MELK: variants seen among roughly 807,000 people sequenced by gnomAD.
The protein encoded by MELK is maternal embryonic leucine zipper kinase.
In MELK, 81 loss-of-function variants were observed where a neutral mutation model predicts 85.0. The observed-to-expected ratio is 0.95, with a 90% CI of 0.80 to 1.15. The LOEUF is 1.15. MELK is among the 50% of genes most tolerant of loss of function. MELK has a pLI of 0.00. For synonymous variants in MELK, 252 were observed against 265.0 expected (o/e 0.95, Z 0.48); for missense variants, 754 against 777.5 (o/e 0.97, Z 0.36).
At chr9:36,633,285 A>T in intron 10 of MELK, 85 bp downstream of exon 10, 1 of 894,470 alleles carries the variant, frequency 1.1e-6, no homozygotes. Flanking sequence ...ATGTGGTCTA[A>T]ATATACAAGA....
At chr9:36,662,495 C>A (rs892623802) in intron 13 of MELK, among the ~76,000 whole-genome samples, 1 of 151,990 alleles carries the variant, frequency 6.6e-6, no homozygotes, top group African/African-American at 2.4e-5. Context: ...CCACCTGCCT[C>A]GGCCTCCCAA....
At chr9:36,663,139 G>T (rs561326342) in intron 13 of MELK, among the ~76,000 whole-genome samples, 1 of 150,756 alleles carries the variant, frequency 6.6e-6, no homozygotes, top group Non-Finnish European at 1.5e-5. Flanking sequence ...GGAGTGCAAT[G>T]GCACGATCTC....
chr9:36,658,510 C>T (rs1831474790), intron 13 of MELK, among the ~76,000 whole-genome samples: 1 of 152,028 alleles, frequency 6.6e-6, no homozygotes, highest in African/African-American at 2.4e-5. Flanking sequence ...TTTATTTATA[C>T]TCTCTATTTA....
At chr9:36,619,631 A>G (rs951905250) in intron 8 of MELK, among the ~76,000 whole-genome samples, 20 of 152,216 alleles carry the variant, frequency 1.3e-4, no homozygotes, top group African/African-American at 4.1e-4. Flanking sequence ...ATGGAATGAT[A>G]AAGTTTTCAG....
intron 6 of MELK, among the ~76,000 whole-genome samples, chr9:36,599,058 G>A (rs1014243068): frequency 2.4e-4 from 37 of 152,184 alleles, no homozygotes; most frequent in African/African-American, 8.9e-4. Context: ...CACTTTGGGA[G>A]GCCGAGGCGG....
Position 36,613,014 on chromosome 9 carries a change from C to T in MELK, c.666+5341C>T, listed in dbSNP as rs185593101. The stretch of plus-strand genomic sequence containing the variant: ...TCTCGAGTACAAGCCAGTGTTTGCC[C>T]TGTGTGCTGTGGGTTTTCCCCCGTG... On this transcript the variant is annotated intron_variant, in intron 8 of 17. Coordinates refer to ENST00000298048, the MANE Select transcript of MELK (RefSeq NM_014791.4). 2.0e-5 allele frequency among the ~76,000 whole-genome samples: 3 copies of T among 152,332 alleles called. No individual in the cohort carries two copies. The East Asian group carries it at 5.8e-4, about 29-fold the overall frequency.
At chr9:36,604,599 C>T (rs1006392834) in intron 7 of MELK, among the ~76,000 whole-genome samples, 3 of 151,938 alleles carry the variant, frequency 2.0e-5, no homozygotes, top group Non-Finnish European at 4.4e-5. Context: ...CTGATCCGCC[C>T]ACCTTGGCCT....
intron 12 of MELK, among the ~76,000 whole-genome samples, chr9:36,653,687 A>G (rs10814425): frequency 0.77 from 117,617 of 152,002 alleles, 47,936 homozygotes; most frequent in Non-Finnish European, 0.9. Context: ...CCTCAGAGAA[A>G]GGTAGTTGGT....
At chr9:36,620,327 C>T (rs1827269963) in intron 8 of MELK, among the ~76,000 whole-genome samples, 1 of 152,172 alleles carries the variant, frequency 6.6e-6, no homozygotes, top group Admixed American at 6.6e-5. Context: ...CAAGTTAGTT[C>T]TCCCAATTCA....
chr9:36,647,203 A>G (rs1830285416), intron 11 of MELK, among the ~76,000 whole-genome samples: 2 of 152,230 alleles, frequency 1.3e-5, no homozygotes, highest in Admixed American at 6.5e-5. Context: ...AACTCCATCT[A>G]AAACTCTTAG....
chr9:36,594,455 A>G (rs578002920), intron 4 of MELK, among the ~76,000 whole-genome samples, 173 bp from the exon 5 acceptor site: 1 of 152,278 alleles, frequency 6.6e-6, no homozygotes, highest in East Asian at 1.9e-4. Context: ...TCCTGGAGTC[A>G]TTATTGACTT....
intron 17 of MELK, among the ~76,000 whole-genome samples, chr9:36,675,338 G>T (rs145148125): frequency 6.6e-6 from 1 of 152,120 alleles, no homozygotes; most frequent in Non-Finnish European, 1.5e-5. Flanking sequence ...TAGAAAAAAT[G>T]TATTTCTCCC....
At chr9:36,616,634 C>G (rs909020906) in intron 8 of MELK, among the ~76,000 whole-genome samples, 2 of 152,046 alleles carry the variant, frequency 1.3e-5, no homozygotes, top group Non-Finnish European at 2.9e-5. Flanking sequence ...AGGTGATCAG[C>G]CTGCCTCAGC....
At chr9:36,614,926 C>T (rs911563354) in intron 8 of MELK, among the ~76,000 whole-genome samples, 3 of 148,398 alleles carry the variant, frequency 2.0e-5, no homozygotes, top group Admixed American at 6.6e-5. Context: ...CATTGTCATC[C>T]TGGCCCGTTC....
intron 17 of MELK, 68 bp downstream of exon 17, chr9:36,675,005 G>A: frequency 1.7e-6 from 2 of 1,179,406 alleles, no homozygotes; most frequent in Non-Finnish European, 2.5e-6. Flanking sequence ...ATAGGAGTTG[G>A]TTGGGCGCGG....
chr9:36,652,392 C>T (rs996772524), intron 12 of MELK, among the ~76,000 whole-genome samples: 2 of 151,684 alleles, frequency 1.3e-5, no homozygotes, highest in Non-Finnish European at 2.9e-5. Context: ...ACCTCCTCCC[C>T]TGACTCCTTT....
Position 36,579,265 on chromosome 9 carries a change from G to A in MELK, c.-38-2379G>A, listed in dbSNP as rs1821958289. On this transcript the variant is annotated intron_variant, in intron 1 of 17. Coordinates refer to ENST00000298048, the MANE Select transcript of MELK (RefSeq NM_014791.4). ...TGGTCTCGAACTCCCGACCTCAGGT[G>A]ATCTGCCCGTCTTGGCCTCCCAAAG... Among the ~76,000 whole-genome samples the A allele has an allele frequency of 3.9e-5, 6 of 152,184 alleles. No homozygotes were observed. The South Asian group carries it at 1.2e-3, about 31-fold the overall frequency.
chr9:36,624,824 A>C (rs151294722), intron 8 of MELK, among the ~76,000 whole-genome samples: 1 of 152,288 alleles, frequency 6.6e-6, no homozygotes, highest in East Asian at 1.9e-4. Context: ...ATTTAAAGGC[A>C]TAATGTCTTT....
intron 8 of MELK, among the ~76,000 whole-genome samples, chr9:36,622,512 G>A (rs116809468): frequency 1.1e-3 from 170 of 152,186 alleles, no homozygotes; most frequent in African/African-American, 3.2e-3. Flanking sequence ...GCACTTTCTA[G>A]CATGATTACT....
Sources: allele counts gnomAD v4.1 joint callset (sites outside exome capture counted in the v4.1 genomes callset), GRCh38; gene constraint gnomAD v4.1.1; transcripts MANE v1.5; gene names NCBI Gene and HGNC (gene_info 2026-07-23, HGNC 2026-07-21).